PDE4D: variants seen among roughly 807,000 people sequenced by gnomAD.
The protein encoded by PDE4D is 3',5'-cyclic-AMP phosphodiesterase 4D.
In PDE4D, 24 loss-of-function variants were observed where a neutral mutation model predicts 87.4. That is an observed-to-expected ratio of 0.27 (90% CI 0.20 to 0.39). PDE4D has a LOEUF of 0.39. Ranked by LOEUF, PDE4D falls within the 10% of genes least tolerant of loss-of-function variation. The probability of loss-of-function intolerance (pLI) is 1.00; values close to 1 mark genes in which losing one functional copy is unlikely to be tolerated. For synonymous variants in PDE4D, 384 were observed against 383.2 expected (o/e 1.00, Z -0.02); for missense variants, 714 against 1,041.0 (o/e 0.69, Z 4.32).
chr5:60,394,469 A>G (rs1762758777), intron 1 of PDE4D, among the ~76,000 whole-genome samples: 1 of 152,204 alleles, frequency 6.6e-6, no homozygotes, highest in African/African-American at 2.4e-5. Flanking sequence ...TCGAGGTTTG[A>G]TATGTTGAAA....
chr5:60,462,634 T>C (rs1747041740), intron 1 of PDE4D, among the ~76,000 whole-genome samples: 1 of 152,176 alleles, frequency 6.6e-6, no homozygotes, highest in Admixed American at 6.5e-5. Flanking sequence ...CTTAACTAGA[T>C]GGGACACCAG....
In PDE4D at chr5:60,258,492, A is replaced by C. The variant is rs538350758; in HGVS notation, c.-89-72805T>G. ...GTTCTTTGCTGGTGAACTTGCAATG[A>C]ATTTGGAATGTTCATACATTGTTTG... is the stretch of plus-strand genomic sequence containing the variant. On this transcript the variant is annotated intron_variant, in intron 1 of 16. Coordinates refer to the PDE4D transcript ENST00000502484. Among the ~76,000 whole-genome samples, 3 of 152,142 alleles carry C rather than the reference A, an allele frequency of 2.0e-5. No individual in the cohort carries two copies. In the South Asian group the frequency reaches 6.2e-4, roughly 32 times the overall value.
chr5:59,060,541 T>A (rs1241380760), intron 5 of PDE4D, among the ~76,000 whole-genome samples: 1 of 152,144 alleles, frequency 6.6e-6, no homozygotes, highest in Non-Finnish European at 1.5e-5. Context: ...AAAAATTTTT[T>A]AAATTTTACG....
chr5:59,269,543 C>T (rs1164260780), intron 1 of PDE4D, among the ~76,000 whole-genome samples: 2 of 151,998 alleles, frequency 1.3e-5, no homozygotes, highest in South Asian at 2.1e-4. Context: ...ATGACTCTCC[C>T]GCGGTAAGGC....
At chr5:59,537,058 C>T (rs185344129) in intron 1 of PDE4D, among the ~76,000 whole-genome samples, 1 of 152,160 alleles carries the variant, frequency 6.6e-6, no homozygotes, top group East Asian at 1.9e-4. Flanking sequence ...CGTGTATGTG[C>T]ATGCACACAT....
intron 1 of PDE4D, among the ~76,000 whole-genome samples, chr5:60,302,187 T>C (rs1753962005): frequency 6.6e-6 from 1 of 152,200 alleles, no homozygotes; most frequent in Non-Finnish European, 1.5e-5. Flanking sequence ...GCTGGCCTCA[T>C]AGAATGAGTT....
intron 1 of PDE4D, among the ~76,000 whole-genome samples, chr5:60,269,368 C>T (rs1012281990): frequency 3.9e-5 from 6 of 152,216 alleles, no homozygotes; most frequent in African/African-American, 1.4e-4. Context: ...GTATTAGGCT[C>T]TGCTACATTC....
rs76532951 is a variant in PDE4D at position 59,071,076 on chromosome 5, A to G, written c.809-32105T>C. Among the ~76,000 whole-genome samples the G allele has an allele frequency of 1.6e-4, 24 of 152,316 alleles. No individual in the cohort carries two copies. The East Asian group carries it at 4.4e-3, about 28-fold the overall frequency. On this transcript the variant is annotated intron_variant, in intron 5 of 14. Transcript: ENST00000340635. ...TATTCCATGCTCACTCTTGATCAATAGTTTGGTTGAGTATAGAATTCTTGG... is the reference window on the plus strand; with the variant it reads ...TATTCCATGCTCACTCTTGATCAATGGTTTGGTTGAGTATAGAATTCTTGG...
intron 1 of PDE4D, among the ~76,000 whole-genome samples, chr5:59,234,559 C>G (rs1296810560): frequency 6.6e-6 from 1 of 152,104 alleles, no homozygotes; most frequent in Non-Finnish European, 1.5e-5. Flanking sequence ...CTGTAAAATA[C>G]TTAGTACTAT....
chr5:59,624,225 G>T (rs1031958250), intron 1 of PDE4D, among the ~76,000 whole-genome samples: 8 of 152,058 alleles, frequency 5.3e-5, no homozygotes, highest in African/African-American at 1.9e-4. Context: ...CCTTCAGGAC[G>T]TTTCTCCTAA....
intron 1 of PDE4D, among the ~76,000 whole-genome samples, chr5:60,511,517 T>TTAATAATAATAATAATAA (rs150885033): frequency 1.2e-3 from 171 of 147,756 alleles, no homozygotes; most frequent in Middle Eastern, 3.5e-3. Context: ...CTATAGAAAT[T>TTAATAATAATAATAATAA]TAATAATAAT....
At chr5:59,316,353 T>C (rs1377828937) in intron 1 of PDE4D, among the ~76,000 whole-genome samples, 1 of 152,190 alleles carries the variant, frequency 6.6e-6, no homozygotes, top group African/African-American at 2.4e-5. Flanking sequence ...GTTCCTTTAG[T>C]CTTTGAACAT....
At chr5:59,371,761 G>A (rs1369900605) in intron 1 of PDE4D, among the ~76,000 whole-genome samples, 1 of 152,240 alleles carries the variant, frequency 6.6e-6, no homozygotes, top group Non-Finnish European at 1.5e-5. Flanking sequence ...GTGAGACACA[G>A]TTATGAGTCA....
intron 2 of PDE4D, among the ~76,000 whole-genome samples, chr5:60,135,308 A>G: frequency 6.6e-6 from 1 of 152,154 alleles, no homozygotes; most frequent in Non-Finnish European, 1.5e-5. Context: ...ATAAATTTCT[A>G]TTGTTCGTAA....
chr5:60,056,013 G>A (rs2152883795), intron 2 of PDE4D, among the ~76,000 whole-genome samples: 1 of 152,186 alleles, frequency 6.6e-6, no homozygotes, highest in Admixed American at 6.6e-5. Flanking sequence ...GAAGTTCTGT[G>A]TCCTTGCTGT....
intron 1 of PDE4D, among the ~76,000 whole-genome samples, chr5:60,389,452 G>C (rs1762423204): frequency 6.6e-6 from 1 of 152,098 alleles, no homozygotes; most frequent in Admixed American, 6.6e-5. Flanking sequence ...ATGAAACCTG[G>C]TATTTCTCTT....
chr5:59,467,326 A>G (rs897460549), intron 1 of PDE4D, among the ~76,000 whole-genome samples: 1 of 152,224 alleles, frequency 6.6e-6, no homozygotes, highest in African/African-American at 2.4e-5. Flanking sequence ...AGCTTTGTAC[A>G]TGATATAGGG....
intron 1 of PDE4D, among the ~76,000 whole-genome samples, chr5:60,403,945 G>T (rs1010395863): frequency 1.3e-5 from 2 of 152,306 alleles, no homozygotes; most frequent in Middle Eastern, 3.4e-3. Context: ...GGAACTCAAT[G>T]ACTCTTTGGT....
chr5:59,741,366 C>A (rs1256934776), intron 1 of PDE4D, among the ~76,000 whole-genome samples: 1 of 151,960 alleles, frequency 6.6e-6, no homozygotes, highest in Non-Finnish European at 1.5e-5. Flanking sequence ...TTTTTAAAAC[C>A]CTTCGTCCAG....
Sources: gnomAD v4.1 joint callset for allele counts (sites outside exome capture counted in the v4.1 genomes callset) on GRCh38, gnomAD v4.1.1 for gene constraint, MANE v1.5 for transcripts, NCBI Gene and HGNC (gene_info 2026-07-23, HGNC 2026-07-21) for gene names.